SYT16: variants seen among roughly 807,000 people sequenced by gnomAD.
SYT16 encodes synaptotagmin 16.
A neutral mutation model predicts 61.4 loss-of-function variants in SYT16; 42 were observed. The ratio of observed to expected loss-of-function variants is 0.68; its 90% confidence interval spans 0.53 to 0.89. The LOEUF is 0.89. SYT16 is among the 40% of genes least tolerant of loss of function. SYT16 has a pLI of 0.00. For missense variants in SYT16, 804 were observed against 807.3 expected, an observed-to-expected ratio of 1.00 and a Z score of 0.05; for synonymous variants, 314 against 302.3, an observed-to-expected ratio of 1.04 and a Z score of -0.40.
chr14:62,090,235 A>G (rs900737967), intron 7 of SYT16, among the ~76,000 whole-genome samples: 4 of 152,226 alleles, frequency 2.6e-5, no homozygotes, highest in South Asian at 2.1e-4. Flanking sequence ...AAAAACTATC[A>G]TTAAGATGTT....
chr14:62,084,218 C>T lies in SYT16; in HGVS notation c.1457C>T (p.Pro486Leu), dbSNP rs747299479. Reference sequence around the variant, plus strand: ...CAGAGTGGAGGGTCTCCGCTCAGCCCATCTGCGGTTTCTCACAGTGATAGT... The same window carrying T: ...CAGAGTGGAGGGTCTCCGCTCAGCCTATCTGCGGTTTCTCACAGTGATAGT... ...NISSGGSPLS[P>L]SAVSHSDSTS... The change falls in exon 7 of 8, where the codon CCA (proline) becomes CTA (leucine). Residue 486 changes from proline (P) to leucine (L), a missense_variant. Physicochemically the swap from Pro to Leu is moderately conservative, Grantham distance 98. Transcript: ENST00000683842. 6.2e-7 allele frequency: 1 copy of T among 1,613,818 alleles called. No homozygotes were observed. The highest frequency in any genetic ancestry group is 1.7e-5 in the Admixed American group (1 of 60,010).
chr14:61,979,047 C>T (rs1433619379), intron 2 of SYT16, among the ~76,000 whole-genome samples: 1 of 152,100 alleles, frequency 6.6e-6, no homozygotes, highest in Non-Finnish European at 1.5e-5. Flanking sequence ...TTTCAGGATC[C>T]TCTTAATGAT....
intron 1 of SYT16, among the ~76,000 whole-genome samples, chr14:61,931,011 C>T (rs1378091085): frequency 6.6e-6 from 1 of 152,188 alleles, no homozygotes; most frequent in Non-Finnish European, 1.5e-5. Context: ...TAAATGTGTA[C>T]TCTTTTAAGC....
chr14:62,078,442 T>C (rs2056592692), intron 5 of SYT16, among the ~76,000 whole-genome samples: 2 of 152,134 alleles, frequency 1.3e-5, no homozygotes, highest in Non-Finnish European at 2.9e-5. Flanking sequence ...AAAATGAAGA[T>C]ATTAAAATAC....
intron 1 of SYT16, among the ~76,000 whole-genome samples, chr14:61,942,872 A>G (rs2050261270): frequency 1.3e-5 from 2 of 152,182 alleles, no homozygotes; most frequent in African/African-American, 2.4e-5. Flanking sequence ...CATTCTCATA[A>G]CAAAGATCAG....
chr14:62,051,234 A>G (rs547761342), intron 3 of SYT16, among the ~76,000 whole-genome samples: 10 of 152,354 alleles, frequency 6.6e-5, no homozygotes, highest in Admixed American at 5.2e-4. Flanking sequence ...TGTGCTAGCA[A>G]TGAGCGAGGC....
chr14:61,948,396 C>T (rs1184110969), intron 1 of SYT16, among the ~76,000 whole-genome samples: 7 of 150,456 alleles, frequency 4.7e-5, no homozygotes, highest in Admixed American at 4.0e-4. Flanking sequence ...AAAACTTGGG[C>T]TAGGCTTTTA....
chr14:61,875,063 T>C (rs993664677), intron 1 of SYT16, among the ~76,000 whole-genome samples: 12 of 152,212 alleles, frequency 7.9e-5, no homozygotes, highest in African/African-American at 2.9e-4. Flanking sequence ...GGGAGCTTGT[T>C]AGAGCTGTGG....
intron 5 of SYT16, among the ~76,000 whole-genome samples, chr14:62,078,138 GCTCTCTCT>G (rs749939385): frequency 1.5e-5 from 2 of 133,710 alleles, no homozygotes; most frequent in South Asian, 2.5e-4. Flanking sequence ...GTGCTCTCTC[GCTCTCTCT>G]CTCTCTCTCT....
intron 1 of SYT16, chr14:61,832,122 T>C (rs1028842389): frequency 2.8e-6 from 2 of 724,796 alleles, no homozygotes; most frequent in Admixed American, 3.7e-5. Flanking sequence ...GAACTGAATG[T>C]GATACAACTC....
chr14:61,883,000 T>TG lies in SYT16; in HGVS notation c.-325+70191dup, dbSNP rs1020962928. ...GAAGCAATGGTCTGAGCTGTACCTT[T>TG]GTCCCTTTTAGCCATGGCTGGAGAT... is the stretch of plus-strand genomic sequence containing the variant. On this transcript the variant is annotated intron_variant, in intron 1 of 7. Coordinates refer to ENST00000683842, the MANE Select transcript of SYT16 (RefSeq NM_001367656.1). Among the ~76,000 whole-genome samples the TG allele has an allele frequency of 1.6e-4, 24 of 152,202 alleles. 1 individual carries two copies. The highest frequency in any genetic ancestry group is 5.8e-4 in the African/African-American group (24 of 41,450).
At chr14:61,925,681 C>T (rs940271449) in intron 1 of SYT16, among the ~76,000 whole-genome samples, 10 of 152,236 alleles carry the variant, frequency 6.6e-5, no homozygotes, top group Admixed American at 4.6e-4. Flanking sequence ...CCATCTTTCA[C>T]GTTTTGGCCT....
chr14:62,100,722 A>G lies in SYT16; in HGVS notation c.*15A>G. The G allele has an allele frequency of 6.2e-7, 1 of 1,606,284 alleles. No individual in the cohort carries two copies. ...TGGAATCCTAGGTTTGCTAACCTGC[A>G]TTTGTGTGCTGTGTCCACCTTGGTT... On this transcript the variant is annotated 3_prime_UTR_variant, in exon 8 of 8. Coordinates refer to ENST00000683842, the MANE Select transcript of SYT16 (RefSeq NM_001367656.1).
chr14:62,049,818 G>T (rs977636515), intron 3 of SYT16, among the ~76,000 whole-genome samples: 2 of 152,220 alleles, frequency 1.3e-5, no homozygotes, highest in Admixed American at 6.5e-5. Flanking sequence ...CTTCTGGCTT[G>T]TAGAGTTTCT....
At chr14:62,002,946 G>T (rs1229308323) in intron 3 of SYT16, among the ~76,000 whole-genome samples, 1 of 152,040 alleles carries the variant, frequency 6.6e-6, no homozygotes, top group Non-Finnish European at 1.5e-5. Flanking sequence ...GCTGAGTAAA[G>T]GGGGAAGTCC....
chr14:61,957,858 A>ACC (rs2050945179), intron 1 of SYT16, among the ~76,000 whole-genome samples: 1 of 151,836 alleles, frequency 6.6e-6, no homozygotes, highest in Non-Finnish European at 1.5e-5. Flanking sequence ...TCTCTTTTTA[A>ACC]GAGTTTTAGG....
At chr14:61,824,094 C>T (rs1477393851) in intron 1 of SYT16, among the ~76,000 whole-genome samples, 7 of 152,138 alleles carry the variant, frequency 4.6e-5, no homozygotes, top group African/African-American at 1.7e-4. Context: ...TCTGAACTCA[C>T]TTTATTAAAA....
At chr14:61,873,434 C>T (rs1357088638) in intron 1 of SYT16, among the ~76,000 whole-genome samples, 2 of 152,144 alleles carry the variant, frequency 1.3e-5, no homozygotes, top group African/African-American at 4.8e-5. Flanking sequence ...TTTTCTCCTA[C>T]TGTCTTTCCA....
At chr14:62,112,556 A>C (rs1199120632), downstream of SYT16, 3 of 152,152 alleles carry the variant, frequency 2.0e-5, no homozygotes, top group East Asian at 1.9e-4. Context: ...TTATATGTAC[A>C]TGTGTGAAAA....
Sources: gnomAD v4.1 joint callset for allele counts (sites outside exome capture counted in the v4.1 genomes callset) on GRCh38, gnomAD v4.1.1 for gene constraint, MANE v1.5 for transcripts, NCBI Gene and HGNC (gene_info 2026-07-23, HGNC 2026-07-21) for gene names.